Variants in SLC28A1 observed in about 807,000 individuals in gnomAD.
The protein encoded by SLC28A1 is sodium/nucleoside cotransporter 1.
A neutral mutation model predicts 74.8 loss-of-function variants in SLC28A1; 64 were observed. The observed-to-expected ratio is 0.86, with a 90% CI of 0.70 to 1.05. The LOEUF is 1.05. SLC28A1 is among the 50% of genes least tolerant of loss of function. SLC28A1 has a pLI of 0.00. For synonymous variants in SLC28A1, 359 were observed against 335.0 expected, an observed-to-expected ratio of 1.07 and a Z score of -0.78; for missense variants, 828 against 822.8, an observed-to-expected ratio of 1.01 and a Z score of -0.08.
intron 15 of SLC28A1, among the ~76,000 whole-genome samples, chr15:84,937,925 C>G (rs1162341260): frequency 6.6e-6 from 1 of 150,926 alleles, no homozygotes; most frequent in Non-Finnish European, 1.5e-5. Flanking sequence ...AAAAACCAGG[C>G]ATGGTGGCTC....
chr15:84,955,733 A>T, the SLC28A1 span, among the ~76,000 whole-genome samples: 1 of 152,174 alleles, frequency 6.6e-6, no homozygotes, highest in Non-Finnish European at 1.5e-5. Flanking sequence ...CTGAAGGAGG[A>T]TAGAATCTGA....
At position 84,895,006 on chromosome 15, in the gene SLC28A1, T is replaced by C. The variant is rs1313915893; in HGVS notation, c.344T>C (p.Leu115Pro). 3 of 1,614,206 alleles carry C rather than the reference T, an allele frequency of 1.9e-6. No individual in the cohort carries two copies. In the Admixed American group the frequency reaches 5.0e-5, roughly 27 times the overall value. ...DFQRALALFV[L>P]TCVVLTFLGH... ...CAGAGGGCCCTGGCTCTGTTTGTCC[T>C]CACCTGTGTGGTCCTCACCTTCCTG... is the stretch of plus-strand genomic sequence containing the variant. Residue 115 changes from leucine to proline, a missense_variant, in exon 6 of 19, where the codon CTC becomes CCC. Leu to Pro is a moderately conservative substitution (Grantham distance 98). Coordinates refer to ENST00000394573, the MANE Select transcript of SLC28A1 (RefSeq NM_004213.5).
intron 12 of SLC28A1, among the ~76,000 whole-genome samples, chr15:84,925,215 G>A (rs935397297): frequency 6.6e-6 from 1 of 151,742 alleles, no homozygotes; most frequent in Non-Finnish European, 1.5e-5. Flanking sequence ...CACGGTGCCT[G>A]GCCTGGTAAT....
intron 3 of SLC28A1, among the ~76,000 whole-genome samples, chr15:84,888,475 G>C (rs1964871203): frequency 6.6e-6 from 1 of 151,850 alleles, no homozygotes; most frequent in East Asian, 1.9e-4. Context: ...GCCCTGCCTG[G>C]GGCCTCCCTT....
At chr15:84,907,492 A>G (rs1476827328) in intron 8 of SLC28A1, among the ~76,000 whole-genome samples, 2 of 151,688 alleles carry the variant, frequency 1.3e-5, no homozygotes, top group Non-Finnish European at 2.9e-5. Flanking sequence ...CCTTTTTTTA[A>G]TTTTAGTTTA....
At chr15:84,919,596 G>T (rs1424476438) in intron 10 of SLC28A1, among the ~76,000 whole-genome samples, 1 of 152,126 alleles carries the variant, frequency 6.6e-6, no homozygotes, top group Non-Finnish European at 1.5e-5. Context: ...AGGGCAGAAG[G>T]CAGAAGTGAG....
At chr15:84,947,997 GAA>G (rs63673861), downstream of SLC28A1, among the ~76,000 whole-genome samples, 4 of 151,138 alleles carry the variant, frequency 2.6e-5, no homozygotes, top group Non-Finnish European at 5.9e-5. Flanking sequence ...ATGGCATGGG[GAA>G]AAAAAAACTG....
intron 9 of SLC28A1, among the ~76,000 whole-genome samples, chr15:84,909,838 A>G (rs1050648750): frequency 6.6e-6 from 1 of 152,248 alleles, no homozygotes; most frequent in African/African-American, 2.4e-5. Flanking sequence ...TGGAGCTGCT[A>G]TGCAAGACCC....
the SLC28A1 span, among the ~76,000 whole-genome samples, chr15:84,954,861 T>C: frequency 6.6e-6 from 1 of 152,180 alleles, no homozygotes; most frequent in Non-Finnish European, 1.5e-5. Flanking sequence ...ATCTATGTCC[T>C]CTCCCTGTTA....
At chr15:84,914,469 C>T (rs879727491) in intron 9 of SLC28A1, among the ~76,000 whole-genome samples, 1 of 152,238 alleles carries the variant, frequency 6.6e-6, no homozygotes, top group Admixed American at 6.5e-5. Context: ...AGGGGCATGG[C>T]AGGACCTTGG....
At chr15:84,912,383 C>T (rs1968383425) in intron 9 of SLC28A1, among the ~76,000 whole-genome samples, 1 of 152,182 alleles carries the variant, frequency 6.6e-6, no homozygotes. Flanking sequence ...ATCCAAGCTG[C>T]TTCCTGCTGG....
chr15:84,916,797 G>A (rs551073538), intron 9 of SLC28A1, among the ~76,000 whole-genome samples: 1 of 152,160 alleles, frequency 6.6e-6, no homozygotes, highest in African/African-American at 2.4e-5. Context: ...GGAGAATGGG[G>A]TGGGCAGATC....
At chr15:84,911,343 C>T (rs538144203) in intron 9 of SLC28A1, among the ~76,000 whole-genome samples, 188 of 152,314 alleles carry the variant, frequency 1.2e-3, no homozygotes, top group African/African-American at 4.2e-3. Context: ...AGTGGTGTTG[C>T]GGCCTCCCTT....
chr15:84,912,806 G>GCGCACACACACACA (rs764101004), intron 9 of SLC28A1, among the ~76,000 whole-genome samples: 1 of 112,202 alleles, frequency 8.9e-6, no homozygotes, highest in African/African-American at 3.3e-5. Flanking sequence ...TTGCGCGCGC[G>GCGCACACACACACA]CACACACACA....
chr15:84,941,813 C>CAAAAAAA (rs36086558), intron 15 of SLC28A1, among the ~76,000 whole-genome samples: 1 of 151,746 alleles, frequency 6.6e-6, no homozygotes. Context: ...CAGAAGTTTT[C>CAAAAAAA]AAAAAAAGGA....
At chr15:84,950,388 A>AAACTG (rs747386913), downstream of SLC28A1, among the ~76,000 whole-genome samples, 16 of 148,046 alleles carry the variant, frequency 1.1e-4, no homozygotes, top group Non-Finnish European at 1.9e-4. Context: ...TTTTTAGTAA[A>AAACTG]AACTGACAAT....
At chr15:84,974,053 C>G in the SLC28A1 span, among the ~76,000 whole-genome samples, 1 of 152,142 alleles carries the variant, frequency 6.6e-6, no homozygotes, top group Admixed American at 6.5e-5. Context: ...TTCAGGCCAG[C>G]AGAGGGGACT....
chr15:84,894,411 C>T (rs577300518), intron 5 of SLC28A1, among the ~76,000 whole-genome samples: 2 of 152,240 alleles, frequency 1.3e-5, no homozygotes, highest in East Asian at 1.9e-4. Context: ...ACATCTCCCC[C>T]TCTGCTATCC....
intron 12 of SLC28A1, among the ~76,000 whole-genome samples, chr15:84,927,290 A>T (rs1970629393): frequency 6.6e-6 from 1 of 152,220 alleles, no homozygotes; most frequent in South Asian, 2.1e-4. Context: ...GGAGAAAGGC[A>T]CACAAATTTA....
Sources: allele counts gnomAD v4.1 joint callset (sites outside exome capture counted in the v4.1 genomes callset), GRCh38; gene constraint gnomAD v4.1.1; transcripts MANE v1.5; gene names NCBI Gene and HGNC (gene_info 2026-07-23, HGNC 2026-07-21).